The following SHISA9 variants were observed in gnomAD, a reference collection of about 807,000 sequenced individuals.
SHISA9 encodes protein shisa-9.
In SHISA9, 13 loss-of-function variants were observed where a neutral mutation model predicts 38.0. The ratio of observed to expected loss-of-function variants is 0.34; its 90% CI spans 0.22 to 0.54. SHISA9 has a LOEUF of 0.54. Ranked by LOEUF, SHISA9 falls within the 20% of genes least tolerant of loss-of-function variation. The probability of loss-of-function intolerance (pLI) is 0.91; values close to 1 mark genes in which losing one functional copy is unlikely to be tolerated. For missense variants in SHISA9, 538 were observed against 575.8 expected (o/e 0.93, Z 0.67); for synonymous variants, 275 against 242.0 (o/e 1.14, Z -1.27).
At chr16:13,014,361 T>G (rs2072715892) in intron 2 of SHISA9, among the ~76,000 whole-genome samples, 1 of 152,188 alleles carries the variant, frequency 6.6e-6, no homozygotes, top group Non-Finnish European at 1.5e-5. Flanking sequence ...CCTAAAATCA[T>G]TTGACCCTTC....
At chr16:13,025,951 A>G (rs897784329) in intron 2 of SHISA9, among the ~76,000 whole-genome samples, 3 of 151,916 alleles carry the variant, frequency 2.0e-5, no homozygotes, top group South Asian at 2.1e-4. Context: ...GATTACAGGC[A>G]TGCACCACCA....
intron 2 of SHISA9, among the ~76,000 whole-genome samples, chr16:13,193,384 C>A (rs527326857): frequency 6.6e-6 from 1 of 152,110 alleles, no homozygotes; most frequent in African/African-American, 2.4e-5. Flanking sequence ...TGGAGTCTTG[C>A]TCTGTTGCTC....
At chr16:13,015,427 T>G (rs937674048) in intron 2 of SHISA9, among the ~76,000 whole-genome samples, 1 of 152,258 alleles carries the variant, frequency 6.6e-6, no homozygotes, top group Non-Finnish European at 1.5e-5. Flanking sequence ...TCAAAGATGT[T>G]AAACAATTTG....
At chr16:13,165,629 T>C (rs1036260489) in intron 2 of SHISA9, among the ~76,000 whole-genome samples, 1 of 152,210 alleles carries the variant, frequency 6.6e-6, no homozygotes, top group African/African-American at 2.4e-5. Context: ...CCTCAGACCA[T>C]GAGCAAAGGT....
chr16:13,464,258 G>T, the SHISA9 span, among the ~76,000 whole-genome samples: 1 of 152,194 alleles, frequency 6.6e-6, no homozygotes, highest in Non-Finnish European at 1.5e-5. Flanking sequence ...CACCTCATCT[G>T]CAGGGAGATG....
At chr16:12,994,914 A>G (rs550164517) in intron 2 of SHISA9, among the ~76,000 whole-genome samples, 9 of 152,268 alleles carry the variant, frequency 5.9e-5, no homozygotes, top group African/African-American at 2.2e-4. Flanking sequence ...TCCCAAGTGG[A>G]GATATCAAGT....
At chr16:13,385,268 A>C in the SHISA9 span, among the ~76,000 whole-genome samples, 1 of 152,246 alleles carries the variant, frequency 6.6e-6, no homozygotes, top group East Asian at 1.9e-4. Context: ...TTAAACCTGC[A>C]AGAATCAGCA....
the SHISA9 span, among the ~76,000 whole-genome samples, chr16:13,330,736 A>C: frequency 6.6e-6 from 1 of 152,194 alleles, no homozygotes; most frequent in Admixed American, 6.5e-5. Flanking sequence ...GTGGGTGTCA[A>C]AGTTAATTTC....
At chr16:13,263,466 T>C in the SHISA9 span, among the ~76,000 whole-genome samples, 5 of 152,112 alleles carry the variant, frequency 3.3e-5, no homozygotes. Context: ...ATAGCACCTC[T>C]CCCCAAATTC....
chr16:13,176,909 C>G (rs2050736343), intron 2 of SHISA9, among the ~76,000 whole-genome samples: 1 of 152,112 alleles, frequency 6.6e-6, no homozygotes, highest in African/African-American at 2.4e-5. Flanking sequence ...TGCTGAGTCG[C>G]TGTTATTCAT....
chr16:13,412,238 T>C, the SHISA9 span, among the ~76,000 whole-genome samples: 1 of 152,156 alleles, frequency 6.6e-6, no homozygotes, highest in African/African-American at 2.4e-5. Flanking sequence ...GTTTCCAGAC[T>C]GTCCACAGAT....
At chr16:13,534,373 T>A in the SHISA9 span, among the ~76,000 whole-genome samples, 3 of 151,928 alleles carry the variant, frequency 2.0e-5, no homozygotes, top group African/African-American at 7.3e-5. Context: ...TATAGGTGTA[T>A]GCCACCATAC....
chr16:13,208,760 A>C (rs912460095), intron 3 of SHISA9, among the ~76,000 whole-genome samples: 14 of 152,182 alleles, frequency 9.2e-5, no homozygotes, highest in African/African-American at 3.1e-4. Context: ...TTCTCCAAAC[A>C]TTAAGTCTGG....
the SHISA9 span, among the ~76,000 whole-genome samples, chr16:13,444,068 T>G: frequency 0.012 from 1,723 of 141,922 alleles, 33 homozygotes; most frequent in African/African-American, 0.044. Context: ...ACTGGTTTGT[T>G]TCCTTTTCAT....
chr16:13,388,025 C>T, the SHISA9 span, among the ~76,000 whole-genome samples: 1 of 152,126 alleles, frequency 6.6e-6, no homozygotes, highest in African/African-American at 2.4e-5. Flanking sequence ...TTCTACAAGC[C>T]TTGGTATTTC....
chr16:13,186,705 A>G (rs1053785563), intron 2 of SHISA9, among the ~76,000 whole-genome samples: 1 of 152,144 alleles, frequency 6.6e-6, no homozygotes, highest in African/African-American at 2.4e-5. Context: ...GAAACTCTGC[A>G]TTGCTGAATA....
At chr16:13,189,651 G>A (rs2050863509) in intron 2 of SHISA9, among the ~76,000 whole-genome samples, 1 of 152,218 alleles carries the variant, frequency 6.6e-6, no homozygotes, top group African/African-American at 2.4e-5. Flanking sequence ...AGAACGATGT[G>A]GAAGGCATGT....
intron 2 of SHISA9, among the ~76,000 whole-genome samples, chr16:13,066,377 A>G (rs1331146133): frequency 6.6e-6 from 1 of 152,130 alleles, no homozygotes; most frequent in African/African-American, 2.4e-5. Flanking sequence ...GGCACTTACC[A>G]CCATTACCAT....
chr16:13,076,994 G>A (rs934385660), intron 2 of SHISA9, among the ~76,000 whole-genome samples: 17 of 152,172 alleles, frequency 1.1e-4, no homozygotes, highest in Non-Finnish European at 2.4e-4. Flanking sequence ...AACCGGGTTT[G>A]AGGCAAGAAG....
Sources: allele counts gnomAD v4.1 joint callset (sites outside exome capture counted in the v4.1 genomes callset), GRCh38; gene constraint gnomAD v4.1.1; transcripts MANE v1.5; gene names NCBI Gene and HGNC (gene_info 2026-07-23, HGNC 2026-07-21).